The following ANXA8 variants were observed in gnomAD, a reference collection of about 807,000 sequenced individuals.
ANXA8 encodes annexin A8, also known as VAC-beta.
A neutral mutation model predicts 26.8 loss-of-function variants in ANXA8; 9 were observed. The observed-to-expected ratio is 0.34, with a 90% confidence interval of 0.20 to 0.59. ANXA8 has a LOEUF of 0.59. ANXA8 is among the 20% of genes least tolerant of loss of function. The probability of loss-of-function intolerance (pLI) is 0.84; values close to 1 mark genes in which losing one functional copy is unlikely to be tolerated. For synonymous variants in ANXA8, 39 were observed against 94.8 expected (o/e 0.41, Z 3.42); for missense variants, 83 against 238.5 (o/e 0.35, Z 4.29).
the ANXA8 span, among the ~76,000 whole-genome samples, chr10:47,495,095 C>T: frequency 6.6e-6 from 1 of 150,696 alleles, no homozygotes; most frequent in Non-Finnish European, 1.5e-5. Context: ...CTATGACGTC[C>T]TCCACTGTGT....
At chr10:47,775,875 C>G in the ANXA8 span, among the ~76,000 whole-genome samples, 1 of 150,938 alleles carries the variant, frequency 6.6e-6, no homozygotes, top group African/African-American at 2.4e-5. Context: ...GAGTTTTCCT[C>G]TGGCATTAAA....
upstream of ANXA8, among the ~76,000 whole-genome samples, chr10:47,486,143 G>C (rs1252079414): frequency 6.6e-6 from 1 of 151,528 alleles, no homozygotes; most frequent in East Asian, 1.9e-4. Flanking sequence ...CTTCTAGGAT[G>C]ATGAGCAGTG....
the ANXA8 span, among the ~76,000 whole-genome samples, chr10:47,969,561 T>C: frequency 6.9e-6 from 1 of 145,220 alleles, no homozygotes; most frequent in Non-Finnish European, 1.5e-5. Context: ...CTGATGGAGT[T>C]CCTTGGCCAG....
the ANXA8 span, among the ~76,000 whole-genome samples, chr10:47,701,424 C>T: frequency 6.6e-6 from 1 of 151,846 alleles, no homozygotes; most frequent in Non-Finnish European, 1.5e-5. Flanking sequence ...CAAGGTTATT[C>T]ATTGCAGTAT....
upstream of ANXA8, chr10:47,487,383 G>A: frequency 3.0e-6 from 3 of 984,482 alleles, no homozygotes; most frequent in East Asian, 9.2e-5. Flanking sequence ...CTGACTCCTG[G>A]GCTTTCTTTA....
the ANXA8 span, among the ~76,000 whole-genome samples, chr10:47,728,760 CTT>C: frequency 8.6e-6 from 1 of 116,702 alleles, no homozygotes. Context: ...GTTATCTCTT[CTT>C]TTTTTTTTTG....
chr10:47,493,678 C>T, the ANXA8 span, among the ~76,000 whole-genome samples: 1 of 151,044 alleles, frequency 6.6e-6, no homozygotes, highest in African/African-American at 2.5e-5. Flanking sequence ...AGGACCCTGG[C>T]CCACTGCCCA....
At chr10:47,494,998 A>G in the ANXA8 span, among the ~76,000 whole-genome samples, 1 of 151,466 alleles carries the variant, frequency 6.6e-6, no homozygotes, top group African/African-American at 2.4e-5. Context: ...AGCTGCAGCC[A>G]TCAGTAGAAA....
At chr10:47,645,255 C>T in the ANXA8 span, among the ~76,000 whole-genome samples, 5 of 147,120 alleles carry the variant, frequency 3.4e-5, no homozygotes, top group African/African-American at 1.3e-4. Context: ...CTTTATTCCA[C>T]TCTAAAAGAA....
At chr10:47,644,687 T>C in the ANXA8 span, among the ~76,000 whole-genome samples, 1 of 151,678 alleles carries the variant, frequency 6.6e-6, no homozygotes, top group East Asian at 1.9e-4. Context: ...TTAGTTTTAT[T>C]AACTAAAAGC....
At chr10:47,937,087 C>G in the ANXA8 span, among the ~76,000 whole-genome samples, 1 of 149,854 alleles carries the variant, frequency 6.7e-6, no homozygotes, top group African/African-American at 2.4e-5. Flanking sequence ...CTGTGCCTAC[C>G]ACCTCCTTCT....
At chr10:47,930,403 T>C in the ANXA8 span, among the ~76,000 whole-genome samples, 1 of 145,280 alleles carries the variant, frequency 6.9e-6, no homozygotes, top group Admixed American at 7.0e-5. Context: ...CTTGGGAGGC[T>C]GAGGTGGGAG....
the ANXA8 span, among the ~76,000 whole-genome samples, chr10:47,546,471 C>T: frequency 1.3e-4 from 16 of 118,696 alleles, no homozygotes; most frequent in Admixed American, 6.5e-4. Context: ...GGCTTGATCT[C>T]GGCTCAGCGC....
At chr10:47,881,867 G>C in the ANXA8 span, among the ~76,000 whole-genome samples, 1 of 151,876 alleles carries the variant, frequency 6.6e-6, no homozygotes, top group Admixed American at 6.6e-5. Flanking sequence ...GTCTATGTGT[G>C]TGTTTGTATG....
the ANXA8 span, among the ~76,000 whole-genome samples, chr10:47,733,295 C>CT: frequency 7.1e-5 from 4 of 56,252 alleles, 1 homozygote; most frequent in Non-Finnish European, 1.0e-4. Flanking sequence ...TTCTTTCTTT[C>CT]TTTTTTTTCT....
At chr10:47,653,421 A>G in the ANXA8 span, among the ~76,000 whole-genome samples, 1 of 151,314 alleles carries the variant, frequency 6.6e-6, no homozygotes, top group African/African-American at 2.4e-5. Context: ...TAGCCAAAAT[A>G]TATTTTGGAG....
upstream of ANXA8, chr10:47,484,225 C>A: frequency 8.4e-6 from 6 of 713,384 alleles, no homozygotes; most frequent in Admixed American, 1.2e-4. Context: ...GTGGCTGTTA[C>A]GCATACTGGA....
chr10:47,658,066 A>G, the ANXA8 span, among the ~76,000 whole-genome samples: 1 of 151,762 alleles, frequency 6.6e-6, no homozygotes, highest in East Asian at 1.9e-4. Context: ...ATCTGTCAGT[A>G]TGTTCAAAAT....
chr10:47,734,691 G>A, the ANXA8 span, among the ~76,000 whole-genome samples: 1 of 131,698 alleles, frequency 7.6e-6, no homozygotes, highest in Non-Finnish European at 1.6e-5. Context: ...AAGAATATTT[G>A]TGAATAGGCT....
Sources: gnomAD v4.1 joint callset for allele counts (sites outside exome capture counted in the v4.1 genomes callset) on GRCh38, gnomAD v4.1.1 for gene constraint, MANE v1.5 for transcripts, NCBI Gene and HGNC (gene_info 2026-07-23, HGNC 2026-07-21) for gene names.